Variants in ANXA8 observed in about 807,000 individuals in gnomAD.
ANXA8 encodes the protein annexin A8.
A neutral mutation model predicts 26.8 loss-of-function variants in ANXA8; 9 were observed. That is an observed-to-expected ratio of 0.34 (90% CI 0.20 to 0.59). The LOEUF is 0.59. ANXA8 is among the 20% of genes least tolerant of loss of function. The pLI is 0.84. For synonymous variants in ANXA8, 39 were observed against 94.8 expected (o/e 0.41, Z 3.42); for missense variants, 83 against 238.5 (o/e 0.35, Z 4.29).
At chr10:47,492,712 C>T in the ANXA8 span, among the ~76,000 whole-genome samples, 2 of 139,500 alleles carry the variant, frequency 1.4e-5, no homozygotes, top group Non-Finnish European at 3.0e-5. Flanking sequence ...CATTGAGGTG[C>T]CCTTTGGCAG....
At chr10:47,737,521 C>G in the ANXA8 span, among the ~76,000 whole-genome samples, 3 of 151,786 alleles carry the variant, frequency 2.0e-5, no homozygotes, top group African/African-American at 7.3e-5. Flanking sequence ...TTTCATTGTT[C>G]TATATTTATT....
chr10:47,627,001 AC>A, the ANXA8 span, among the ~76,000 whole-genome samples: 1 of 149,452 alleles, frequency 6.7e-6, no homozygotes, highest in African/African-American at 2.6e-5. Flanking sequence ...CCTAACAGAA[AC>A]ATAAGGTTCT....
At chr10:47,969,720 TTTTTC>T in the ANXA8 span, among the ~76,000 whole-genome samples, 1 of 149,312 alleles carries the variant, frequency 6.7e-6, no homozygotes, top group Non-Finnish European at 1.5e-5. Flanking sequence ...TGAATCTTCT[TTTTTC>T]TTTTCTAAGA....
the ANXA8 span, among the ~76,000 whole-genome samples, chr10:47,583,830 T>C: frequency 1.8e-3 from 247 of 140,916 alleles, 2 homozygotes; most frequent in East Asian, 3.7e-3. Context: ...AAGGTGCGGC[T>C]GGCTGGAAGA....
chr10:47,684,943 T>A, the ANXA8 span, among the ~76,000 whole-genome samples: 1 of 150,186 alleles, frequency 6.7e-6, no homozygotes. Context: ...ATTTTATGTG[T>A]GGCCCAAGAC....
the ANXA8 span, among the ~76,000 whole-genome samples, chr10:47,700,474 C>T: frequency 1.3e-5 from 2 of 151,818 alleles, no homozygotes; most frequent in African/African-American, 2.4e-5. Context: ...AAATTGGACA[C>T]GTATCTCACA....
chr10:47,907,246 A>G, the ANXA8 span, among the ~76,000 whole-genome samples: 2 of 152,026 alleles, frequency 1.3e-5, no homozygotes, highest in African/African-American at 4.8e-5. Flanking sequence ...AGTCCCAGCT[A>G]CTTGGGAGGC....
At chr10:47,671,724 A>T in the ANXA8 span, among the ~76,000 whole-genome samples, 1 of 151,912 alleles carries the variant, frequency 6.6e-6, no homozygotes, top group South Asian at 2.1e-4. Context: ...GATGAAGCTG[A>T]GATTAACATT....
the ANXA8 span, among the ~76,000 whole-genome samples, chr10:47,599,093 T>C: frequency 1.4e-5 from 2 of 147,376 alleles, no homozygotes. Context: ...ATTATATACA[T>C]AATAATATAT....
At chr10:47,495,163 G>A in the ANXA8 span, among the ~76,000 whole-genome samples, 4 of 151,212 alleles carry the variant, frequency 2.6e-5, no homozygotes, top group Non-Finnish European at 4.4e-5. Flanking sequence ...AGAGGGAGTG[G>A]GCAGAGAGGA....
At chr10:47,564,430 TG>T in the ANXA8 span, 2 of 1,188,080 alleles carry the variant, frequency 1.7e-6, no homozygotes, top group African/African-American at 1.7e-5. Context: ...AAGTGGCGGT[TG>T]CAGAAGGGCA....
At chr10:47,710,105 T>C in the ANXA8 span, 105 of 452,934 alleles carry the variant, frequency 2.3e-4, 6 homozygotes, top group African/African-American at 2.1e-3. Context: ...AAAACAAAAC[T>C]ATATTTTATA....
the ANXA8 span, among the ~76,000 whole-genome samples, chr10:47,529,174 T>G: frequency 9.0e-5 from 13 of 143,774 alleles, 2 homozygotes; most frequent in South Asian, 2.7e-3. Flanking sequence ...ACAATAAAGT[T>G]TTACGACCCT....
At chr10:47,945,561 C>T in the ANXA8 span, among the ~76,000 whole-genome samples, 2 of 147,644 alleles carry the variant, frequency 1.4e-5, no homozygotes, top group Admixed American at 6.7e-5. Flanking sequence ...CCTGAGTTCC[C>T]CTCCCTCTGG....
At chr10:47,955,130 T>C in the ANXA8 span, among the ~76,000 whole-genome samples, 1 of 148,928 alleles carries the variant, frequency 6.7e-6, no homozygotes, top group Non-Finnish European at 1.5e-5. Flanking sequence ...TCATGAGATG[T>C]GATGGTATTA....
At chr10:47,560,494 C>T in the ANXA8 span, among the ~76,000 whole-genome samples, 1 of 151,656 alleles carries the variant, frequency 6.6e-6, no homozygotes, top group East Asian at 1.9e-4. Flanking sequence ...GTTCAAACTC[C>T]TGTCAGTTTA....
At chr10:47,534,564 CTCTTTTTTTT>C in the ANXA8 span, among the ~76,000 whole-genome samples, 2 of 132,830 alleles carry the variant, frequency 1.5e-5, no homozygotes, top group African/African-American at 5.8e-5. Flanking sequence ...TGATGTTTTT[CTCTTTTTTTT>C]TCCTATTTAT....
chr10:47,684,056 T>G, the ANXA8 span, among the ~76,000 whole-genome samples: 1 of 151,936 alleles, frequency 6.6e-6, no homozygotes. Context: ...ATTATGGTTG[T>G]ATTGGTTTTT....
At chr10:47,482,018 T>G (rs1839835694) in intron 1 of ANXA8, among the ~76,000 whole-genome samples, 1 of 142,764 alleles carries the variant, frequency 7.0e-6, no homozygotes, top group Non-Finnish European at 1.5e-5. Context: ...GATGGGTTTG[T>G]CTCTATGAGA....
Sources: allele counts gnomAD v4.1 joint callset (sites outside exome capture counted in the v4.1 genomes callset), GRCh38; gene constraint gnomAD v4.1.1; transcripts MANE v1.5; gene names NCBI Gene and HGNC (gene_info 2026-07-23, HGNC 2026-07-21).